Variants in VWA7 observed in about 807,000 individuals in gnomAD.
VWA7 encodes the protein von Willebrand factor A domain containing 7.
In VWA7, 66 loss-of-function variants were observed where a neutral mutation model predicts 83.1. The observed-to-expected ratio is 0.79, with a 90% CI of 0.65 to 0.98. VWA7 has a LOEUF of 0.98. VWA7 is among the 50% of genes least tolerant of loss of function. The pLI is 0.00. For missense variants in VWA7, 1,080 were observed against 1,160.2 expected (o/e 0.93, Z 1.00); for synonymous variants, 424 against 488.5 (o/e 0.87, Z 1.74).
rs1185885068 is a variant in VWA7 at position 31,765,668 on chromosome 6, C to T, written c.2602G>A (p.Gly868Arg). 6 of 1,605,282 alleles carry T rather than the reference C, an allele frequency of 3.7e-6. No homozygotes were observed. The highest frequency in any genetic ancestry group is 5.1e-6 in the Non-Finnish European group (6 of 1,176,596). Reference sequence around the variant, plus strand: ...CACCAGGGGCTGCCCGCAGCCAGCCCTGCCCCAGCCCTGCCTTGAGTCACC... The same window carrying T: ...CACCAGGGGCTGCCCGCAGCCAGCCTTGCCCCAGCCCTGCCTTGAGTCACC... ...TLVTQGRAGA[G>R]LAAGSPWWGT... The change falls in exon 17 of 17, where the codon GGG becomes AGG. Residue 868 changes from glycine (G) to arginine (R), a missense_variant. Physicochemically the swap from Gly to Arg is moderately radical, Grantham distance 125. Coordinates refer to ENST00000375688, the MANE Select transcript of VWA7 (RefSeq NM_025258.3).
chr6:31,769,686 G>C lies in VWA7; in HGVS notation c.1306C>G (p.Arg436Gly), dbSNP rs576229707. Reference sequence around the variant, plus strand: ...CTAGCTCTGCTCACCCGGCAGCGCCGCTCCTGAGTCAGGGATTCCACCTGG... The same window carrying C: ...CTAGCTCTGCTCACCCGGCAGCGCCCCTCCTGAGTCAGGGATTCCACCTGG... Reference protein sequence around the residue: ...TNQVESLTQERRCRVTFLVTE... With the variant: ...TNQVESLTQEGRCRVTFLVTE... Residue 436 changes from arginine (R) to glycine (G), a missense_variant, in exon 9 of 17, where the codon CGG (arginine) becomes GGG (glycine). By Grantham distance (125) the Arg-to-Gly change is moderately radical. Coordinates refer to ENST00000375688, the MANE Select transcript of VWA7 (RefSeq NM_025258.3). This position sits in a 1 kb window ranked among gnomAD's most constrained non-coding sequence, Gnocchi z 4.5. 2 of 1,612,830 alleles carry C rather than the reference G, an allele frequency of 1.2e-6. No homozygotes were observed. The highest frequency in any genetic ancestry group is 1.7e-5 in the Admixed American group (1 of 60,024).
rs1811699943 is a variant in VWA7, at chr6:31,767,245, T to A, written c.1795A>T (p.Thr599Ser). Residue 599 changes from threonine to serine, a missense_variant, in exon 13 of 17, where the codon ACC becomes TCC. Coordinates refer to ENST00000375688, the MANE Select transcript of VWA7 (RefSeq NM_025258.3). Reference protein sequence around the residue: ...DTPGVRVQAQTSLDFLFHFGI... With the variant: ...DTPGVRVQAQSSLDFLFHFGI... Reference sequence around the variant, plus strand: ...AAGTGGAAGAGGAAGTCCAGGGAGGTCTGGGCTGGGAAAGGGCAAAGGCAG... The same window carrying A: ...AAGTGGAAGAGGAAGTCCAGGGAGGACTGGGCTGGGAAAGGGCAAAGGCAG... 1.2e-6 allele frequency: 2 copies of A among 1,609,172 alleles called. No homozygotes were observed. The highest frequency in any genetic ancestry group is 3.4e-5 in the Admixed American group (2 of 59,160).
Position 31,775,979 on chromosome 6 carries a change from T to C in VWA7, c.498A>G (p.Ala166=), listed in dbSNP as rs527718367. The C allele has an allele frequency of 6.2e-7, 1 of 1,610,894 alleles. No individual in the cohort carries two copies. The highest frequency in any genetic ancestry group is 1.3e-5 in the African/African-American group (1 of 75,006). ...HTLARQRLGA[A]LHALQDFYSH... ...CTGTTCTCACCTGCAGGGCATGAAG[T>C]GCAGCCCCGAGGCGCTGGCGAGCCA... The change falls in exon 3 of 17, where the codon GCA becomes GCG. Residue 166 remains alanine (A), a synonymous_variant. Transcript: ENST00000375688. The surrounding 1 kb of genome is among the most constrained non-coding windows in gnomAD (Gnocchi z 5.9).
chr6:31,767,437 T>C lies in VWA7; in HGVS notation c.1714A>G (p.Met572Val), dbSNP rs967389891. The change falls in exon 12 of 17, where the codon ATG becomes GTG. Residue 572 changes from methionine to valine, a missense_variant. Met to Val is a conservative substitution (Grantham distance 21). Coordinates refer to ENST00000375688, the MANE Select transcript of VWA7 (RefSeq NM_025258.3). ...RRFGQFWMVT[M>V]DDPPQTGTWE... ...GTTCCTGTCTGTGGAGGGTCATCCA[T>C]GGTCACCATCCAGAACTGCCCAAAG... The C allele has an allele frequency of 6.2e-7, 1 of 1,613,060 alleles. No homozygotes were observed. The highest frequency in any genetic ancestry group is 8.5e-7 in the Non-Finnish European group (1 of 1,179,958).
chr6:31,769,033 C>T lies in VWA7; in HGVS notation c.1488G>A (p.Glu496=), dbSNP rs771386007. Residue 496 remains glutamate (E), a synonymous_variant, in exon 10 of 17, where the codon GAG becomes GAA. Transcript: ENST00000375688. The surrounding 1 kb of genome is among the most constrained non-coding windows in gnomAD (Gnocchi z 4.5). ...HIRDVAAIVG[E]SMAALVTLPL... The stretch of plus-strand genomic sequence containing the variant: ...CCCCACTTACCAGGGCAGCCATGCT[C>T]TCCCCAACAATGGCTGCCACGTCTC... 4 of 1,611,750 alleles carry T rather than the reference C, an allele frequency of 2.5e-6. No individual in the cohort carries two copies. The highest frequency in any genetic ancestry group is 2.7e-5 in the African/African-American group (2 of 74,910).
Position 31,775,221 on chromosome 6 carries a change from G to T in VWA7, c.610+112C>A. On this transcript the variant is annotated intron_variant, in intron 4 of 16. Coordinates refer to ENST00000375688, the MANE Select transcript of VWA7 (RefSeq NM_025258.3). This position sits in a 1 kb window ranked among gnomAD's most constrained non-coding sequence, Gnocchi z 5.9. ...CTTGGACTGGGGGACCTCAGTCCTT[G>T]TGGAGATTAAGTAACATCATACCCT... The T allele has an allele frequency of 2.1e-6, 2 of 934,500 alleles. No individual in the cohort carries two copies. The highest frequency in any genetic ancestry group is 1.6e-6 in the Non-Finnish European group (1 of 640,758). The allele number at this position is 934,500 out of a possible 1,614,324, so 57.9% of individuals were successfully genotyped here. A position where few individuals can be genotyped will look rare whatever the true frequency, so the allele number is the denominator to read the frequency against.
rs1812444894 is a variant in VWA7 at position 31,773,923 on chromosome 6, G to A, written c.722-486C>T. 6.6e-6 allele frequency among the ~76,000 whole-genome samples: 1 copy of A among 152,046 alleles called. No individual in the cohort carries two copies. The highest frequency in any genetic ancestry group is 2.4e-5 in the African/African-American group (1 of 41,398). ...TAATCCCAGCATTTTGGGAGGCTGA[G>A]GTGGGTGGATCACCTGAAGTCAGGA... On this transcript the variant is annotated intron_variant, in intron 5 of 16. Coordinates refer to ENST00000375688, the MANE Select transcript of VWA7 (RefSeq NM_025258.3). The surrounding 1 kb of genome is among the most constrained non-coding windows in gnomAD (Gnocchi z 5.3).
Position 31,769,234 on chromosome 6 carries a change from G to A in VWA7, c.1318-31C>T. On this transcript the variant is annotated intron_variant, in intron 9 of 16. Coordinates refer to ENST00000375688, the MANE Select transcript of VWA7 (RefSeq NM_025258.3). This position sits in a 1 kb window ranked among gnomAD's most constrained non-coding sequence, Gnocchi z 4.5. Reference sequence around the variant, plus strand: ...CCCAGAAGAGAGCTCAGTGATTGGGGTGTCCAAGTGCCATCCACTATTATG... The same window carrying A: ...CCCAGAAGAGAGCTCAGTGATTGGGATGTCCAAGTGCCATCCACTATTATG... The A allele has an allele frequency of 1.9e-6, 3 of 1,596,988 alleles. No homozygotes were observed. The highest frequency in any genetic ancestry group is 2.6e-6 in the Non-Finnish European group (3 of 1,171,480).
chr6:31,770,228 A>T, intron 7 of VWA7, 115 bp from the exon 8 acceptor site: 1 of 760,946 alleles, frequency 1.3e-6, no homozygotes, highest in Non-Finnish European at 2.2e-6. Context: ...CAGGTATTGA[A>T]ATAACAATAC....
rs771386007 is a variant in VWA7, at chr6:31,769,033, C to G, written c.1488G>C (p.Glu496Asp). ...CCCCACTTACCAGGGCAGCCATGCT[C>G]TCCCCAACAATGGCTGCCACGTCTC... ...HIRDVAAIVG[E>D]SMAALVTLPL... The change falls in exon 10 of 17, where the codon GAG becomes GAC. Residue 496 changes from glutamate (E) to aspartate (D), a missense_variant. Transcript: ENST00000375688. This position sits in a 1 kb window ranked among gnomAD's most constrained non-coding sequence, Gnocchi z 4.5. The G allele has an allele frequency of 1.3e-5, 21 of 1,611,868 alleles. No homozygotes were observed. The highest frequency in any genetic ancestry group is 1.2e-4 in the African/African-American group (9 of 75,032).
intron 7 of VWA7, chr6:31,771,685 A>T (rs1043042423): frequency 6.6e-6 from 1 of 152,180 alleles, no homozygotes; most frequent in African/African-American, 2.4e-5. Flanking sequence ...CTCTGTCTAT[A>T]GGAAATGGAG....
chr6:31,776,451 T>G lies in VWA7; in HGVS notation c.234+95A>C. 7.9e-7 allele frequency: 1 copy of G among 1,272,676 alleles called. No individual in the cohort carries two copies. Among genetic ancestry groups the G allele is most frequent in the Non-Finnish European group, 1.1e-6 (1 of 933,454 alleles). The allele number at this position is 1,272,676 out of a possible 1,614,324, so 78.8% of individuals were successfully genotyped here. A position where few individuals can be genotyped will look rare whatever the true frequency, so the allele number is the denominator to read the frequency against. On this transcript the variant is annotated intron_variant, in intron 2 of 16. Transcript: ENST00000375688. The surrounding 1 kb of genome is among the most constrained non-coding windows in gnomAD (Gnocchi z 6.2). ...ATTGCTGCAGGGGTGGGGCCATGGG[T>G]GTCTCTTCTCTTGGCAACCAGAGCC...
Position 31,770,021 on chromosome 6 carries a change from T to G in VWA7, c.1180A>C (p.Met394Leu). 2 of 1,612,706 alleles carry G rather than the reference T, an allele frequency of 1.2e-6. No homozygotes were observed. The highest frequency in any genetic ancestry group is 2.2e-5 in the South Asian group (2 of 91,054). ...HALGGGDEPE[M>L]CLSALQLALL... ...CAGACCTGCAGGGCTGACAGGCACATCTCAGGCTCGTCTCCACCCCCCAAG... is the reference window on the plus strand; with the variant it reads ...CAGACCTGCAGGGCTGACAGGCACAGCTCAGGCTCGTCTCCACCCCCCAAG... The change falls in exon 8 of 17, where the codon ATG becomes CTG. Residue 394 changes from methionine (M) to leucine (L), a missense_variant. Transcript: ENST00000375688.
intron 7 of VWA7, among the ~76,000 whole-genome samples, chr6:31,772,126 C>G (rs978866264): frequency 6.0e-4 from 90 of 149,860 alleles, no homozygotes; most frequent in African/African-American, 2.1e-3. Context: ...GAGTGGGAGG[C>G]AAGTCTGCTA....
rs757658460 is a variant in VWA7, at chr6:31,772,997, G to C, written c.1044C>G (p.Pro348=). The C allele has an allele frequency of 6.2e-7, 1 of 1,612,628 alleles. No homozygotes were observed. The highest frequency in any genetic ancestry group is 1.1e-5 in the South Asian group (1 of 91,042). Residue 348 remains proline, a synonymous_variant, in exon 7 of 17, where the codon CCC becomes CCG. Transcript: ENST00000375688. ...CCAGGACATAGTGGACAGGCTCCATGGGGCTGCCTCTCCGCTGCTCCACAA... is the reference window on the plus strand; with the variant it reads ...CCAGGACATAGTGGACAGGCTCCATCGGGCTGCCTCTCCGCTGCTCCACAA... ...RHLVEQRRGS[P]MEPVHYVLVP...
rs200303814 is a variant in VWA7 at position 31,776,064 on chromosome 6, G to A, written c.413C>T (p.Ala138Val). 2.1e-4 allele frequency: 345 copies of A among 1,613,706 alleles called. No individual in the cohort carries two copies. Among genetic ancestry groups the A allele is most frequent in the Non-Finnish European group, 2.8e-4 (331 of 1,180,030 alleles). The stretch of plus-strand genomic sequence containing the variant: ...CTCCCGCAGAGCCCCTACCAGGCGC[G>A]CGCGTCCCTGACCCAGTCGCTCAGC... The part of the protein sequence containing the change: ...FDAERLGQGR[A>V]RLVGALRETV... Residue 138 changes from alanine to valine, a missense_variant, in exon 3 of 17, where the codon GCG becomes GTG. Ala to Val is a moderately conservative substitution (Grantham distance 64). Coordinates refer to ENST00000375688, the MANE Select transcript of VWA7 (RefSeq NM_025258.3). The surrounding 1 kb of genome is among the most constrained non-coding windows in gnomAD (Gnocchi z 6.2).
At chr6:31,772,827 G>C (rs1015919922) in intron 7 of VWA7, 127 bp downstream of exon 7, 7 of 1,168,282 alleles carry the variant, frequency 6.0e-6, no homozygotes, top group South Asian at 1.5e-5. Flanking sequence ...TCAAACTCCC[G>C]ACCTCAGGTG....
At position 31,775,465 on chromosome 6, in the gene VWA7, T is replaced by C. The variant is rs547517070; in HGVS notation, c.514-36A>G. 47 of 1,573,552 alleles carry C rather than the reference T, an allele frequency of 3.0e-5. No homozygotes were observed. The highest frequency in any genetic ancestry group is 4.0e-5 in the Non-Finnish European group (46 of 1,152,872). ...GGACAGGAGAAGGGGAGTGAGGCAC[T>C]AGTCTGGCCTTTCTCACCATCTCCA... On this transcript the variant is annotated intron_variant, in intron 3 of 16. Coordinates refer to ENST00000375688, the MANE Select transcript of VWA7 (RefSeq NM_025258.3). The surrounding 1 kb of genome is among the most constrained non-coding windows in gnomAD (Gnocchi z 5.9).
At chr6:31,768,251 T>C (rs1403702407) in intron 10 of VWA7, among the ~76,000 whole-genome samples, 1 of 151,682 alleles carries the variant, frequency 6.6e-6, no homozygotes, top group Non-Finnish European at 1.5e-5. Flanking sequence ...GATGAAGTTA[T>C]TATGGTCAGA....
Sources: allele counts gnomAD v4.1 joint callset (sites outside exome capture counted in the v4.1 genomes callset), GRCh38; gene constraint gnomAD v4.1.1; non-coding constraint Gnocchi (gnomAD v3.1); transcripts MANE v1.5; gene names NCBI Gene and HGNC (gene_info 2026-07-23, HGNC 2026-07-21).